The following TPD52 variants were observed in gnomAD, a reference collection of about 807,000 sequenced individuals.
The protein encoded by TPD52 is prostate and colon associated protein.
TPD52 carries 17 observed loss-of-function variants against 31.3 expected under a neutral mutation model. That is an observed-to-expected ratio of 0.54 (90% CI 0.37 to 0.82). The LOEUF (loss-of-function observed/expected upper bound fraction) is 0.82. Ranked by LOEUF, TPD52 falls within the 40% of genes least tolerant of loss-of-function variation. The pLI, the probability that TPD52 is intolerant of heterozygous loss-of-function variation, is 0.00. For missense variants in TPD52, 212 were observed against 240.1 expected (o/e 0.88, Z 0.77); for synonymous variants, 83 against 89.6 (o/e 0.93, Z 0.42).
chr8:80,037,396 T>C lies in TPD52; in HGVS notation c.*720A>G, dbSNP rs1034794732. 1 of 152,160 alleles carries C rather than the reference T, an allele frequency of 6.6e-6. No individual in the cohort carries two copies. The highest frequency in any genetic ancestry group is 2.4e-5 in the African/African-American group (1 of 41,458). The allele number at this position is 152,160 out of a possible 1,614,324, so 9.4% of individuals were successfully genotyped here. A position where few individuals can be genotyped will look rare whatever the true frequency, so the allele number is the denominator to read the frequency against. On this transcript the variant is annotated 3_prime_UTR_variant, in exon 8 of 8. Transcript: ENST00000518937. ...TTTAACCTGGTGAAAAATAAGTTGA[T>C]ATAAGTGGTATAATAAACAATACAC... is the stretch of plus-strand genomic sequence containing the variant.
intron 5 of TPD52, among the ~76,000 whole-genome samples, chr8:80,046,911 G>A (rs1220484306): frequency 2.0e-5 from 3 of 152,174 alleles, no homozygotes; most frequent in Admixed American, 1.3e-4. Flanking sequence ...TAATAAGAGA[G>A]GAGGGGGTAG....
intron 1 of TPD52, among the ~76,000 whole-genome samples, chr8:80,152,676 G>T (rs972791993): frequency 6.6e-6 from 1 of 150,426 alleles, no homozygotes. Context: ...AGCTACTCGG[G>T]AGGCTGAGGC....
At chr8:80,091,296 G>A (rs775757967) in intron 1 of TPD52, among the ~76,000 whole-genome samples, 5 of 151,976 alleles carry the variant, frequency 3.3e-5, no homozygotes, top group African/African-American at 1.2e-4. Context: ...GTGAAACCCC[G>A]TCTCTACTAA....
At position 80,154,458 on chromosome 8, in the gene TPD52, T is replaced by C. The variant is rs552360874; in HGVS notation, c.19+16967A>G. On this transcript the variant is annotated intron_variant, in intron 1 of 7. Transcript: ENST00000518937. ...GGATGGCACCGGATTTGAATTGCAA[T>C]TGACTCACTGCTTACTTCCCTCTCC... Among the ~76,000 whole-genome samples the C allele has an allele frequency of 7.9e-5, 12 of 152,314 alleles. No homozygotes were observed. In the East Asian group the frequency reaches 1.9e-3, roughly 24 times the overall value.
intron 1 of TPD52, among the ~76,000 whole-genome samples, chr8:80,121,772 C>A (rs1356921984): frequency 6.6e-6 from 1 of 152,152 alleles, no homozygotes. Context: ...CCTCTTTTAT[C>A]TCCTTTCATC....
intron 1 of TPD52, chr8:80,080,439 C>T (rs375778327): frequency 7.4e-6 from 12 of 1,614,044 alleles, no homozygotes; most frequent in Non-Finnish European, 8.5e-6. Context: ...ATAAGTCCAT[C>T]TCTCTACAAT....
At chr8:80,066,726 G>A (rs1419785173) in intron 1 of TPD52, among the ~76,000 whole-genome samples, 2 of 152,140 alleles carry the variant, frequency 1.3e-5, no homozygotes, top group South Asian at 2.1e-4. Context: ...CGTGAACAAC[G>A]TGCTGTACTA....
chr8:80,077,716 G>A (rs1814754597), intron 1 of TPD52, among the ~76,000 whole-genome samples: 1 of 152,166 alleles, frequency 6.6e-6, no homozygotes, highest in Non-Finnish European at 1.5e-5. Context: ...AAATGAACTG[G>A]AGTGTGAACG....
At chr8:80,074,986 T>A (rs187024754) in intron 1 of TPD52, among the ~76,000 whole-genome samples, 2 of 152,172 alleles carry the variant, frequency 1.3e-5, no homozygotes, top group Admixed American at 1.3e-4. Flanking sequence ...TTTTTTATTT[T>A]TTTTTATTTT....
rs578227510 is a variant in TPD52, at chr8:80,101,185, C to T, written c.20-36592G>A. ...AATTAAGGCCGGGCGCGGTGGCTCACGCCTGTAATCCCAGCACTTTGGGAG... is the reference window on the plus strand; with the variant it reads ...AATTAAGGCCGGGCGCGGTGGCTCATGCCTGTAATCCCAGCACTTTGGGAG... On this transcript the variant is annotated intron_variant, in intron 1 of 7. Transcript: ENST00000518937. 1.9e-3 allele frequency among the ~76,000 whole-genome samples: 287 copies of T among 152,328 alleles called. 3 individuals carry two copies. The highest frequency in any genetic ancestry group is 6.2e-3 in the African/African-American group (258 of 41,570).
chr8:80,062,958 C>A (rs1812705160), intron 2 of TPD52, among the ~76,000 whole-genome samples: 1 of 151,770 alleles, frequency 6.6e-6, no homozygotes, highest in South Asian at 2.1e-4. Context: ...CAAAATAGAG[C>A]AAGACCTTGT....
intron 5 of TPD52, among the ~76,000 whole-genome samples, chr8:80,049,703 T>A (rs1811178215): frequency 6.6e-6 from 1 of 152,154 alleles, no homozygotes; most frequent in Admixed American, 6.5e-5. Context: ...AATCAAAGAG[T>A]CTGCCTGGGA....
chr8:80,113,763 C>T lies in TPD52; in HGVS notation c.20-49170G>A, dbSNP rs1807669951. Among the ~76,000 whole-genome samples, 3 of 152,256 alleles carry T rather than the reference C, an allele frequency of 2.0e-5. No individual in the cohort carries two copies. In the South Asian group the frequency reaches 6.2e-4, roughly 32 times the overall value. ...TAGAGAGTAGAAACTATAACTTATT[C>T]TATATCCTCAAAAGGCTAAAAGAGA... On this transcript the variant is annotated intron_variant, in intron 1 of 7. Transcript: ENST00000518937.
intron 1 of TPD52, among the ~76,000 whole-genome samples, chr8:80,091,464 C>CAAAAAAAAAAAAAA: frequency 8.2e-6 from 1 of 121,876 alleles, no homozygotes; most frequent in Non-Finnish European, 1.8e-5. Flanking sequence ...GACTCCATCT[C>CAAAAAAAAAAAAAA]AAAAAAAAAA....
chr8:80,164,118 T>A (rs1327054875), intron 1 of TPD52, among the ~76,000 whole-genome samples: 1 of 151,672 alleles, frequency 6.6e-6, no homozygotes, highest in East Asian at 1.9e-4. Context: ...GCCAGCATGA[T>A]TTTTGTTGAA....
chr8:80,051,136 T>C lies in TPD52; in HGVS notation c.386+391A>G, dbSNP rs914489979. On this transcript the variant is annotated intron_variant, in intron 4 of 7. Transcript: ENST00000518937. ...ACACCATGATATAAAATGTCACATA[T>C]AGAACGTGAAGCCAAATCTGAATCG... The C allele has an allele frequency of 8.3e-5, 18 of 218,146 alleles. No homozygotes were observed. The South Asian group carries it at 8.9e-4, about 11-fold the overall frequency. The allele number at this position is 218,146 out of a possible 1,614,324, so 13.5% of individuals were successfully genotyped here. A position where few individuals can be genotyped will look rare whatever the true frequency, so the allele number is the denominator to read the frequency against.
chr8:80,046,687 T>C (rs1810890558), intron 5 of TPD52, among the ~76,000 whole-genome samples: 1 of 152,066 alleles, frequency 6.6e-6, no homozygotes, highest in Non-Finnish European at 1.5e-5. Flanking sequence ...AACCCCCAAA[T>C]ACATTAATCT....
intron 1 of TPD52, among the ~76,000 whole-genome samples, chr8:80,079,345 T>C (rs1814969887): frequency 6.6e-6 from 1 of 152,078 alleles, no homozygotes; most frequent in African/African-American, 2.4e-5. Flanking sequence ...ATATTCAACA[T>C]TTTCCTGTTC....
Position 80,131,109 on chromosome 8 carries a change from C to T in TPD52, c.19+40316G>A, listed in dbSNP as rs17538269. On this transcript the variant is annotated intron_variant, in intron 1 of 7. Transcript: ENST00000518937. ...CTGAATGGTATTTAAAGCTTTGGTC[C>T]TGAGGAAGGTGACCTAAAGAGCCAG... Among the ~76,000 whole-genome samples the T allele has an allele frequency of 9.4e-3, 1,434 of 151,990 alleles. 30 individuals carry two copies. Among genetic ancestry groups the T allele is most frequent in the Non-Finnish European group, 0.01 (688 of 67,994 alleles).
Sources: allele counts gnomAD v4.1 joint callset (sites outside exome capture counted in the v4.1 genomes callset), GRCh38; gene constraint gnomAD v4.1.1; transcripts MANE v1.5; gene names NCBI Gene and HGNC (gene_info 2026-07-23, HGNC 2026-07-21).